Variants in POLA1 observed in about 807,000 individuals in gnomAD.
POLA1 encodes the protein DNA polymerase alpha 1, catalytic subunit.
Under a neutral mutation model 124.0 loss-of-function variants are expected in POLA1, and 15 were observed. The observed-to-expected ratio is 0.12, with a 90% CI of 0.08 to 0.19. POLA1 has a LOEUF of 0.19. Ranked by LOEUF, POLA1 falls within the 10% of genes least tolerant of loss-of-function variation. The probability of loss-of-function intolerance (pLI) is 1.00; values close to 1 mark genes in which losing one functional copy is unlikely to be tolerated. For missense variants in POLA1, 886 were observed against 1,103.4 expected (o/e 0.80, Z 2.79); for synonymous variants, 408 against 389.4 (o/e 1.05, Z -0.56).
At chrX:24,942,977 G>T (rs998433215) in intron 36 of POLA1, among the ~76,000 whole-genome samples, 2 of 112,273 alleles carry the variant, frequency 1.8e-5, no homozygotes, top group Non-Finnish European at 3.8e-5. Context: ...GATTACAGGC[G>T]TGAGCCACTG....
intron 26 of POLA1, among the ~76,000 whole-genome samples, chrX:24,758,987 C>T (rs1014179754): frequency 8.9e-6 from 1 of 111,959 alleles, no homozygotes. Flanking sequence ...TGAGTGGTCA[C>T]CACATCTTAG....
intron 26 of POLA1, among the ~76,000 whole-genome samples, chrX:24,786,232 T>C (rs951985897): frequency 8.9e-6 from 1 of 112,132 alleles, no homozygotes; most frequent in African/African-American, 3.2e-5. Flanking sequence ...ATGTAATTTT[T>C]TGGGGAACCT....
At chrX:24,728,477 C>CA (rs1338307316) in intron 15 of POLA1, among the ~76,000 whole-genome samples, 1 of 111,989 alleles carries the variant, frequency 8.9e-6, no homozygotes, top group African/African-American at 3.2e-5. Context: ...TTTTAAAACT[C>CA]AGTTTGTTTG....
chrX:24,865,026 C>T (rs930719079), intron 34 of POLA1, among the ~76,000 whole-genome samples: 2 of 111,829 alleles, frequency 1.8e-5, no homozygotes, highest in African/African-American at 6.5e-5. Context: ...GAAGCTGAAT[C>T]TTGTAGTAAA....
intron 35 of POLA1, among the ~76,000 whole-genome samples, chrX:24,907,062 C>T (rs1230382171): frequency 3.6e-5 from 4 of 111,267 alleles, no homozygotes; most frequent in Non-Finnish European, 7.5e-5. Context: ...CGTGGCGGTA[C>T]TTGCCTGTAA....
At chrX:24,956,568 C>G (rs954840540) in intron 36 of POLA1, among the ~76,000 whole-genome samples, 1 of 110,602 alleles carries the variant, frequency 9.0e-6, no homozygotes, top group African/African-American at 3.3e-5. Context: ...ATGCTACATT[C>G]TATATCCCCC....
intron 19 of POLA1, among the ~76,000 whole-genome samples, chrX:24,738,879 T>C (rs1001047202): frequency 5.4e-5 from 6 of 112,029 alleles, no homozygotes; most frequent in Non-Finnish European, 7.5e-5. Context: ...AGATCAAAGT[T>C]GGGGCCACTG....
chrX:24,781,183 A>G (rs1385301914), intron 26 of POLA1, among the ~76,000 whole-genome samples: 2 of 111,138 alleles, frequency 1.8e-5, no homozygotes, highest in Non-Finnish European at 3.8e-5. Flanking sequence ...TTTTCCAGCG[A>G]TGGTAGTCAC....
chrX:24,718,548 A>G (rs1002154204), intron 10 of POLA1, among the ~76,000 whole-genome samples: 5 of 112,445 alleles, frequency 4.4e-5, no homozygotes, highest in African/African-American at 1.6e-4. Flanking sequence ...CAGATAATGT[A>G]GGACTTTGAA....
chrX:24,840,701 A>G (rs2046398394), intron 32 of POLA1, among the ~76,000 whole-genome samples: 1 of 112,502 alleles, frequency 8.9e-6, no homozygotes, highest in African/African-American at 3.2e-5. Flanking sequence ...TTATACTAAA[A>G]TAAGATAGTT....
At chrX:24,906,736 G>A (rs186544998) in intron 35 of POLA1, among the ~76,000 whole-genome samples, 1 of 109,509 alleles carries the variant, frequency 9.1e-6, no homozygotes, top group African/African-American at 3.3e-5. Context: ...ACCCTCCTGG[G>A]GGAAAAAAAA....
intron 32 of POLA1, among the ~76,000 whole-genome samples, chrX:24,839,028 CA>C (rs1265418123): frequency 8.9e-6 from 1 of 112,114 alleles, no homozygotes; most frequent in Non-Finnish European, 1.9e-5. Flanking sequence ...ATTCCAGCAG[CA>C]ATGATCCTTA....
chrX:24,786,681 ATTTTTTTT>A (rs1205219554), intron 26 of POLA1, among the ~76,000 whole-genome samples: 20 of 63,149 alleles, frequency 3.2e-4, no homozygotes, highest in African/African-American at 1.3e-3. Flanking sequence ...GGCTTGGCTA[ATTTTTTTT>A]TTTTTTTTTT....
chrX:24,928,189 C>T (rs1158308424), intron 35 of POLA1, among the ~76,000 whole-genome samples: 16 of 111,456 alleles, frequency 1.4e-4, no homozygotes, highest in Admixed American at 9.6e-4. Context: ...ATTTTTTCCC[C>T]TATTTTCCTT....
intron 19 of POLA1, among the ~76,000 whole-genome samples, chrX:24,738,145 G>A (rs922555633): frequency 2.1e-5 from 2 of 96,780 alleles, no homozygotes; most frequent in African/African-American, 4.9e-5. Context: ...CCCGGGAAGC[G>A]GAGCTTGCAG....
intron 34 of POLA1, among the ~76,000 whole-genome samples, chrX:24,868,008 CTAT>C (rs1455286430): frequency 8.9e-6 from 1 of 111,836 alleles, no homozygotes; most frequent in Non-Finnish European, 1.9e-5. Context: ...CTAATTCACT[CTAT>C]TATTTTCTCC....
At chrX:24,746,889 C>T (rs1450639530) in intron 24 of POLA1, among the ~76,000 whole-genome samples, 1 of 111,738 alleles carries the variant, frequency 8.9e-6, no homozygotes, top group African/African-American at 3.3e-5. Context: ...TAATTCTGAA[C>T]CTTTGAAAGG....
At chrX:24,948,785 A>G (rs370099606) in intron 36 of POLA1, among the ~76,000 whole-genome samples, 129 of 112,078 alleles carry the variant, frequency 1.2e-3, no homozygotes, top group African/African-American at 4.0e-3. Flanking sequence ...AAGCTTTTCA[A>G]ATTAGAATTT....
At position 24,711,130 on chromosome X, in the gene POLA1, A is replaced by C. The variant is rs1399225120; in HGVS notation, c.347-3424A>C. 2.3e-4 allele frequency among the ~76,000 whole-genome samples: 25 copies of C among 110,965 alleles called. No individual in the cohort carries two copies. In the East Asian group the frequency reaches 4.8e-3, roughly 21 times the overall value. On this transcript the variant is annotated intron_variant, in intron 4 of 36. Coordinates refer to ENST00000379068, the MANE Select transcript of POLA1 (RefSeq NM_001330360.2). ...CCCGAGTAGCCAGGACTACAGGCAC[A>C]TCCTGCCACGCTCGGCTAATTTTTT...
Sources: allele counts gnomAD v4.1 joint callset (sites outside exome capture counted in the v4.1 genomes callset), GRCh38; gene constraint gnomAD v4.1.1; transcripts MANE v1.5; gene names NCBI Gene and HGNC (gene_info 2026-07-23, HGNC 2026-07-21).